The following SORCS2 variants were observed in gnomAD, a reference collection of about 807,000 sequenced individuals.
The protein encoded by SORCS2 is VPS10 domain-containing receptor SorCS2.
A neutral mutation model predicts 141.6 loss-of-function variants in SORCS2; 100 were observed. The observed-to-expected ratio is 0.71, with a 90% CI of 0.60 to 0.83. SORCS2 has a LOEUF of 0.83. Among genes scored for constraint, SORCS2 ranks in the 40% least tolerant of loss-of-function variants. The pLI, the probability that SORCS2 is intolerant of heterozygous loss-of-function variation, is 0.00. For missense variants in SORCS2, 1,646 were observed against 1,560.2 expected (o/e 1.05, Z -0.93); for synonymous variants, 789 against 676.9 (o/e 1.17, Z -2.57).
At chr4:7,202,770 A>G (rs1485223376) in intron 1 of SORCS2, among the ~76,000 whole-genome samples, 1 of 152,200 alleles carries the variant, frequency 6.6e-6, no homozygotes, top group East Asian at 1.9e-4. Flanking sequence ...ACGTAGTGAT[A>G]ACATCTCCTA....
chr4:7,320,291 G>T (rs948862987), intron 1 of SORCS2, among the ~76,000 whole-genome samples: 28 of 152,194 alleles, frequency 1.8e-4, no homozygotes, highest in Non-Finnish European at 2.5e-4. Flanking sequence ...TCAGAGAAAG[G>T]CTTGCTTTTC....
At chr4:7,361,518 A>G (rs578091738) in intron 1 of SORCS2, among the ~76,000 whole-genome samples, 3 of 152,006 alleles carry the variant, frequency 2.0e-5, no homozygotes, top group Non-Finnish European at 4.4e-5. Context: ...GCCGCCTGAC[A>G]TGGGCTGGAC....
chr4:7,335,850 G>T (rs955945323), intron 1 of SORCS2, among the ~76,000 whole-genome samples: 4 of 152,250 alleles, frequency 2.6e-5, no homozygotes, highest in African/African-American at 7.2e-5. Context: ...CTGGCATGGA[G>T]TGCGGGTGCG....
At chr4:7,569,483 G>GC (rs1715236071) in intron 3 of SORCS2, among the ~76,000 whole-genome samples, 1 of 152,216 alleles carries the variant, frequency 6.6e-6, no homozygotes, top group South Asian at 2.1e-4. Context: ...CTTCACTCCA[G>GC]CCTGGGGGAC....
intron 2 of SORCS2, among the ~76,000 whole-genome samples, chr4:7,408,201 T>C (rs1168929456): frequency 6.6e-6 from 1 of 152,188 alleles, no homozygotes; most frequent in Non-Finnish European, 1.5e-5. Flanking sequence ...TTATTTTTTA[T>C]GTATTTTTTG....
intron 13 of SORCS2, 87 bp from the exon 14 acceptor site, chr4:7,704,090 C>T: frequency 8.2e-7 from 1 of 1,221,948 alleles, no homozygotes; most frequent in South Asian, 1.3e-5. Flanking sequence ...CAGCCTCCGC[C>T]CCTCCAGCTG....
At chr4:7,736,372 A>T (rs1400685614) in intron 25 of SORCS2, among the ~76,000 whole-genome samples, 1 of 152,102 alleles carries the variant, frequency 6.6e-6, no homozygotes, top group East Asian at 1.9e-4. Flanking sequence ...GCCCCACCCC[A>T]TCCTGCCGTT....
At chr4:7,304,812 A>G (rs1260289793) in intron 1 of SORCS2, among the ~76,000 whole-genome samples, 1 of 152,172 alleles carries the variant, frequency 6.6e-6, no homozygotes, top group African/African-American at 2.4e-5. Context: ...ATCAAGCCCC[A>G]TTCATTGCTT....
At chr4:7,688,205 G>A (rs960752716) in intron 10 of SORCS2, among the ~76,000 whole-genome samples, 5 of 152,206 alleles carry the variant, frequency 3.3e-5, no homozygotes, top group African/African-American at 1.2e-4. Flanking sequence ...GATGTTAGTA[G>A]ATGATATGAT....
chr4:7,382,673 G>A (rs371394372), intron 1 of SORCS2, among the ~76,000 whole-genome samples: 2 of 152,290 alleles, frequency 1.3e-5, no homozygotes, highest in Admixed American at 1.3e-4. Flanking sequence ...CCTGGGTAAG[G>A]GGAGGGGCAT....
At chr4:7,483,360 C>T (rs1038237768) in intron 2 of SORCS2, among the ~76,000 whole-genome samples, 19 of 150,666 alleles carry the variant, frequency 1.3e-4, no homozygotes, top group African/African-American at 3.9e-4. Context: ...GAGAAAGCCA[C>T]GTGACGGATG....
At chr4:7,457,071 C>T (rs1728957216) in intron 2 of SORCS2, among the ~76,000 whole-genome samples, 1 of 152,126 alleles carries the variant, frequency 6.6e-6, no homozygotes, top group South Asian at 2.1e-4. Flanking sequence ...TTCCAGAATT[C>T]CTCAGGACCC....
intron 2 of SORCS2, among the ~76,000 whole-genome samples, chr4:7,479,753 A>T (rs1249868659): frequency 6.6e-6 from 1 of 152,248 alleles, no homozygotes; most frequent in African/African-American, 2.4e-5. Flanking sequence ...TGGTTCTAGG[A>T]TACAGATGCT....
intron 4 of SORCS2, among the ~76,000 whole-genome samples, chr4:7,645,670 A>G (rs891168001): frequency 2.0e-5 from 3 of 152,238 alleles, no homozygotes; most frequent in Non-Finnish European, 4.4e-5. Context: ...CACATACTGC[A>G]TGCCAGGCAC....
chr4:7,607,649 A>T (rs774599031), intron 3 of SORCS2, among the ~76,000 whole-genome samples: 1 of 152,190 alleles, frequency 6.6e-6, no homozygotes, highest in Non-Finnish European at 1.5e-5. Context: ...GCATCCAGTC[A>T]TGGGTAGTCC....
chr4:7,550,036 C>T (rs797022283), intron 3 of SORCS2, among the ~76,000 whole-genome samples: 17 of 150,722 alleles, frequency 1.1e-4, no homozygotes, highest in African/African-American at 3.7e-4. Flanking sequence ...AGAGCAGGGC[C>T]GGGGAGAGCT....
intron 2 of SORCS2, among the ~76,000 whole-genome samples, chr4:7,423,560 G>C (rs115390729): frequency 6.6e-6 from 1 of 152,316 alleles, no homozygotes; most frequent in Non-Finnish European, 1.5e-5. Context: ...TGTTACTGGT[G>C]TGCACCACCA....
At chr4:7,658,064 C>T (rs1463346546) in intron 5 of SORCS2, among the ~76,000 whole-genome samples, 2 of 148,428 alleles carry the variant, frequency 1.3e-5, no homozygotes, top group Non-Finnish European at 3.0e-5. Flanking sequence ...TCTGATTGAG[C>T]AAATGAGTGA....
chr4:7,399,287 G>T (rs944908636), intron 2 of SORCS2, among the ~76,000 whole-genome samples: 6 of 151,890 alleles, frequency 4.0e-5, no homozygotes, highest in Non-Finnish European at 8.8e-5. Flanking sequence ...TGGATGGAAG[G>T]CTGGCGGTGC....
Sources: allele counts gnomAD v4.1 joint callset (sites outside exome capture counted in the v4.1 genomes callset), GRCh38; gene constraint gnomAD v4.1.1; transcripts MANE v1.5; gene names NCBI Gene and HGNC (gene_info 2026-07-23, HGNC 2026-07-21).